The following FRMD4B variants were observed in gnomAD, a reference collection of about 807,000 sequenced individuals.
FRMD4B encodes the protein FERM domain-containing protein 4B.
FRMD4B carries 74 observed loss-of-function variants against 141.5 expected under a neutral mutation model. The observed-to-expected ratio is 0.52, with a 90% CI of 0.43 to 0.63. The LOEUF is 0.63. FRMD4B is among the 30% of genes least tolerant of loss of function. The pLI, the probability that FRMD4B is intolerant of heterozygous loss-of-function variation, is 0.00. For synonymous variants in FRMD4B, 506 were observed against 467.9 expected, an observed-to-expected ratio of 1.08 and a Z score of -1.05; for missense variants, 1,366 against 1,253.4, an observed-to-expected ratio of 1.09 and a Z score of -1.36.
At chr3:69,215,107 T>C (rs532123740) in intron 11 of FRMD4B, among the ~76,000 whole-genome samples, 3 of 151,660 alleles carry the variant, frequency 2.0e-5, no homozygotes, top group Admixed American at 6.6e-5. Context: ...CTCAAACTCC[T>C]GAGCTCAGGC....
intron 1 of FRMD4B, among the ~76,000 whole-genome samples, chr3:69,373,278 T>C (rs181918526): frequency 2.0e-5 from 3 of 152,262 alleles, no homozygotes; most frequent in Admixed American, 6.5e-5. Context: ...GAGGGAGAGA[T>C]TAGAGACTAG....
chr3:69,362,539 C>T (rs1703498979), intron 1 of FRMD4B, among the ~76,000 whole-genome samples: 1 of 152,036 alleles, frequency 6.6e-6, no homozygotes, highest in Admixed American at 6.6e-5. Context: ...TAGCTGGGCA[C>T]GGTGGCGCAT....
intron 5 of FRMD4B, among the ~76,000 whole-genome samples, chr3:69,281,823 C>CA (rs869209332): frequency 9.9e-5 from 13 of 131,476 alleles, no homozygotes; most frequent in African/African-American, 3.7e-4. Flanking sequence ...GACTCCGTCT[C>CA]AAAAAAAAAA....
intron 1 of FRMD4B, among the ~76,000 whole-genome samples, chr3:69,524,926 C>G (rs1490396916): frequency 6.6e-6 from 1 of 152,202 alleles, no homozygotes; most frequent in African/African-American, 2.4e-5. Flanking sequence ...AAAAAGCAGT[C>G]TCTGCCACAC....
At chr3:69,265,448 CTTTTTT>C (rs560029423) in intron 5 of FRMD4B, among the ~76,000 whole-genome samples, 1 of 93,596 alleles carries the variant, frequency 1.1e-5, no homozygotes, top group African/African-American at 4.2e-5. Flanking sequence ...TTTATTTGTC[CTTTTTT>C]TTTTTTTTTT....
intron 2 of FRMD4B, among the ~76,000 whole-genome samples, chr3:69,411,796 G>A (rs896969304): frequency 3.3e-5 from 5 of 152,128 alleles, no homozygotes; most frequent in Admixed American, 6.5e-5. Flanking sequence ...GTTTCACCAC[G>A]CACTTCTTAA....
At chr3:69,472,311 C>A in intron 1 of FRMD4B, 1 of 414,000 alleles carries the variant, frequency 2.4e-6, no homozygotes, top group South Asian at 2.0e-5. Context: ...CTTTTTTTTT[C>A]TTTGCATATT....
chr3:69,353,760 A>C, intron 1 of FRMD4B: 1 of 960,822 alleles, frequency 1.0e-6, no homozygotes, highest in Non-Finnish European at 1.2e-6. Context: ...GGAAATGACC[A>C]TACTGTTTGT....
At chr3:69,191,909 T>C (rs1012057778) in intron 17 of FRMD4B, among the ~76,000 whole-genome samples, 1 of 152,220 alleles carries the variant, frequency 6.6e-6, no homozygotes, top group Non-Finnish European at 1.5e-5. Flanking sequence ...TGTGTGTTGA[T>C]GCTGTACATT....
At chr3:69,344,740 TA>T (rs1472852078) in intron 1 of FRMD4B, among the ~76,000 whole-genome samples, 3 of 152,158 alleles carry the variant, frequency 2.0e-5, no homozygotes, top group Non-Finnish European at 2.9e-5. Flanking sequence ...AACCTGAATC[TA>T]GAAACATCTA....
chr3:69,272,655 T>C (rs2106939833), intron 5 of FRMD4B, among the ~76,000 whole-genome samples: 1 of 152,348 alleles, frequency 6.6e-6, no homozygotes. Flanking sequence ...GGTTAGCAGA[T>C]ATTCTGAATG....
chr3:69,313,378 T>G, intron 2 of FRMD4B, 74 bp downstream of exon 2: 2 of 900,998 alleles, frequency 2.2e-6, no homozygotes, highest in Non-Finnish European at 3.6e-6. Context: ...GGAACCAGGA[T>G]GAGCTGTCCC....
At chr3:69,281,843 A>ATG (rs2093646415) in intron 5 of FRMD4B, among the ~76,000 whole-genome samples, 4 of 146,730 alleles carry the variant, frequency 2.7e-5, no homozygotes, top group South Asian at 4.3e-4. Context: ...AAAAAAATAT[A>ATG]TATATATATT....
chr3:69,478,886 C>T (rs1264589927), intron 1 of FRMD4B, among the ~76,000 whole-genome samples: 3 of 151,434 alleles, frequency 2.0e-5, no homozygotes, highest in African/African-American at 7.3e-5. Flanking sequence ...AATCTGGGTG[C>T]TCCTGTATTG....
At chr3:69,518,366 G>A (rs1260851072) in intron 1 of FRMD4B, among the ~76,000 whole-genome samples, 1 of 152,052 alleles carries the variant, frequency 6.6e-6, no homozygotes, top group Non-Finnish European at 1.5e-5. Flanking sequence ...CCTTCTTAAT[G>A]TAAAGCTAAG....
At position 69,181,702 on chromosome 3, in the gene FRMD4B, G is replaced by C. The variant is rs748125813; in HGVS notation, c.2048C>G (p.Ser683Cys). 6.2e-7 allele frequency: 1 copy of C among 1,607,962 alleles called. No individual in the cohort carries two copies. Among genetic ancestry groups the C allele is most frequent in the Non-Finnish European group, 8.5e-7 (1 of 1,176,334 alleles). ...AYSSSHLEPE[S>C]SSQHCRQRSG... ...CCGCTGGCGGCAGTGCTGAGATGAA[G>C]ATTCGGGTCTGAAAGAGGAGAAAGG... The change falls in exon 21 of 23, where the codon TCT becomes TGT. Residue 683 changes from serine (S) to cysteine (C), a missense_variant. Coordinates refer to ENST00000398540, the MANE Select transcript of FRMD4B (RefSeq NM_015123.3).
intron 5 of FRMD4B, among the ~76,000 whole-genome samples, chr3:69,279,501 C>T (rs1477178052): frequency 6.6e-6 from 1 of 152,134 alleles, no homozygotes. Flanking sequence ...GCTCTGTTGT[C>T]CAGGCTGGGG....
intron 1 of FRMD4B, among the ~76,000 whole-genome samples, chr3:69,512,786 T>A (rs1444777369): frequency 1.3e-5 from 2 of 152,116 alleles, no homozygotes; most frequent in African/African-American, 4.8e-5. Context: ...GAATGTTCCA[T>A]CATTAAAAGG....
chr3:69,406,997 G>T (rs1446965999), intron 2 of FRMD4B, among the ~76,000 whole-genome samples: 2 of 150,606 alleles, frequency 1.3e-5, no homozygotes, highest in Non-Finnish European at 2.9e-5. Flanking sequence ...ATCTGCCTTG[G>T]CCTCTGAAGT....
Sources: gnomAD v4.1 joint callset for allele counts (sites outside exome capture counted in the v4.1 genomes callset) on GRCh38, gnomAD v4.1.1 for gene constraint, MANE v1.5 for transcripts, NCBI Gene and HGNC (gene_info 2026-07-23, HGNC 2026-07-21) for gene names.